The following MTUS2 variants were observed in gnomAD, a reference collection of about 807,000 sequenced individuals.
MTUS2 encodes microtubule associated scaffold protein 2.
MTUS2 carries 40 observed loss-of-function variants against 114.1 expected under a neutral mutation model. That is an observed-to-expected ratio of 0.35 (90% CI 0.27 to 0.46). The LOEUF is 0.46. MTUS2 is among the 20% of genes least tolerant of loss of function. The probability of loss-of-function intolerance (pLI) is 1.00; values close to 1 mark genes in which losing one functional copy is unlikely to be tolerated. For synonymous variants in MTUS2, 688 were observed against 672.0 expected (o/e 1.02, Z -0.37); for missense variants, 1,679 against 1,705.4 (o/e 0.98, Z 0.27).
At chr13:28,989,863 T>TTG (rs1566273584) in intron 2 of MTUS2, among the ~76,000 whole-genome samples, 41 of 151,012 alleles carry the variant, frequency 2.7e-4, no homozygotes, top group East Asian at 1.2e-3. Context: ...TTTTTTTTTT[T>TTG]TTTTGCAGAA....
intron 5 of MTUS2, among the ~76,000 whole-genome samples, chr13:29,184,281 C>G (rs372854426): frequency 6.6e-6 from 1 of 152,220 alleles, no homozygotes; most frequent in East Asian, 1.9e-4. Flanking sequence ...TCCCCACCCC[C>G]TCCAGGGGCC....
intron 5 of MTUS2, among the ~76,000 whole-genome samples, chr13:29,262,806 G>A (rs192265658): frequency 6.6e-6 from 1 of 152,192 alleles, no homozygotes; most frequent in East Asian, 1.9e-4. Flanking sequence ...TTGCTATAGG[G>A]GCTTGCATGA....
chr13:28,909,701 A>G (rs912116146), intron 2 of MTUS2, among the ~76,000 whole-genome samples: 2 of 152,168 alleles, frequency 1.3e-5, no homozygotes, highest in Non-Finnish European at 2.9e-5. Context: ...GGAGAAGGAA[A>G]TAAAGGGTAT....
At chr13:29,365,007 G>C (rs1285340861) in intron 8 of MTUS2, among the ~76,000 whole-genome samples, 1 of 152,242 alleles carries the variant, frequency 6.6e-6, no homozygotes, top group East Asian at 1.9e-4. Flanking sequence ...GAGAGTGCTA[G>C]TGAAGTGGTA....
At chr13:29,056,458 G>A in intron 4 of MTUS2, among the ~76,000 whole-genome samples, 1 of 151,978 alleles carries the variant, frequency 6.6e-6, no homozygotes. Flanking sequence ...GGCTATGAAT[G>A]CATTTGGTCC....
chr13:28,928,714 C>T (rs111577301), intron 2 of MTUS2, among the ~76,000 whole-genome samples: 1 of 152,288 alleles, frequency 6.6e-6, no homozygotes, highest in African/African-American at 2.4e-5. Flanking sequence ...TATGATCCAG[C>T]AATTCCACTC....
intron 2 of MTUS2, among the ~76,000 whole-genome samples, chr13:28,962,380 C>T (rs1051081031): frequency 3.9e-5 from 6 of 152,060 alleles, no homozygotes; most frequent in Non-Finnish European, 8.8e-5. Context: ...AAAGTTCTTA[C>T]TTTTTTTAAT....
chr13:29,068,999 A>T (rs9508254), intron 4 of MTUS2, among the ~76,000 whole-genome samples: 25,189 of 152,100 alleles, frequency 0.17, 2,424 homozygotes, highest in Middle Eastern at 0.22. Flanking sequence ...AGGATTGGAC[A>T]TAAAGAGACC....
chr13:29,255,184 A>G (rs1897253574), intron 5 of MTUS2, among the ~76,000 whole-genome samples: 1 of 152,218 alleles, frequency 6.6e-6, no homozygotes, highest in African/African-American at 2.4e-5. Flanking sequence ...TGTAAGCAGA[A>G]GTGGCCAAGG....
At chr13:29,370,733 T>C (rs900192261) in intron 8 of MTUS2, among the ~76,000 whole-genome samples, 1 of 152,196 alleles carries the variant, frequency 6.6e-6, no homozygotes, top group Non-Finnish European at 1.5e-5. Flanking sequence ...TATTCTGTTA[T>C]AGAATCAGAA....
chr13:28,882,018 T>C (rs774874341), intron 2 of MTUS2, among the ~76,000 whole-genome samples: 5 of 152,194 alleles, frequency 3.3e-5, no homozygotes, highest in Non-Finnish European at 5.9e-5. Context: ...GTGCAGAACA[T>C]TGAGTCTTCA....
At position 29,501,124 on chromosome 13, in the gene MTUS2, A is replaced by G. The variant is rs1411934931; in HGVS notation, c.3826A>G (p.Lys1276Glu). The G allele has an allele frequency of 1.9e-6, 3 of 1,614,132 alleles. No homozygotes were observed. Among genetic ancestry groups the G allele is most frequent in the Admixed American group, 1.7e-5 (1 of 60,024 alleles). Reference sequence around the variant, plus strand: ...AGAAAAGAACATTATCCTAGAAGAAAAGATCCAGGTTCTCCAACAGCAGAA... The same window carrying G: ...AGAAAAGAACATTATCCTAGAAGAAGAGATCCAGGTTCTCCAACAGCAGAA... ...LAEKNIILEE[K>E]IQVLQQQNED... Residue 1276 changes from lysine to glutamate, a missense_variant, in exon 15 of 16, where the codon AAG (lysine) becomes GAG (glutamate). Coordinates refer to ENST00000612955, the MANE Select transcript of MTUS2 (RefSeq NM_001033602.4).
At chr13:28,985,924 G>A (rs1020952011) in intron 2 of MTUS2, among the ~76,000 whole-genome samples, 5 of 152,224 alleles carry the variant, frequency 3.3e-5, no homozygotes, top group Admixed American at 3.3e-4. Context: ...CAGCCCGATG[G>A]CCCACCCTGC....
At chr13:29,262,981 C>T (rs930480963) in intron 5 of MTUS2, among the ~76,000 whole-genome samples, 1 of 152,094 alleles carries the variant, frequency 6.6e-6, no homozygotes, top group African/African-American at 2.4e-5. Context: ...GCTTTATATG[C>T]ACTTTCTCAT....
chr13:29,179,758 A>G (rs990766890), intron 5 of MTUS2, among the ~76,000 whole-genome samples: 15 of 152,218 alleles, frequency 9.9e-5, no homozygotes, highest in African/African-American at 3.1e-4. Context: ...TTGTACTTAT[A>G]CTTTGTACCA....
At chr13:29,063,598 G>A (rs1203270135) in intron 4 of MTUS2, among the ~76,000 whole-genome samples, 1 of 151,938 alleles carries the variant, frequency 6.6e-6, no homozygotes, top group Non-Finnish European at 1.5e-5. Context: ...TTTCCTCTTT[G>A]GTCATTTTTT....
chr13:29,175,200 T>C (rs1283051956), intron 5 of MTUS2, among the ~76,000 whole-genome samples: 1 of 152,174 alleles, frequency 6.6e-6, no homozygotes, highest in Non-Finnish European at 1.5e-5. Flanking sequence ...TTGTACACTG[T>C]AAATATAAAG....
At chr13:29,067,179 A>G (rs1175309085) in intron 4 of MTUS2, among the ~76,000 whole-genome samples, 2 of 152,182 alleles carry the variant, frequency 1.3e-5, no homozygotes, top group African/African-American at 4.8e-5. Context: ...CCAAAGATAC[A>G]ATGTGGTGTC....
rs1424472514 is a variant in MTUS2, at chr13:29,346,592, A to G, written c.2906-12670A>G. 8.3e-5 allele frequency among the ~76,000 whole-genome samples: 7 copies of G among 84,116 alleles called. 2 individuals are homozygous for G. The highest frequency in any genetic ancestry group is 2.6e-4 in the African/African-American group (7 of 26,750). 55.2% of individuals were successfully genotyped at this position (84,116 alleles called of 152,430 possible). On this transcript the variant is annotated intron_variant, in intron 7 of 15. Coordinates refer to ENST00000612955, the MANE Select transcript of MTUS2 (RefSeq NM_001033602.4). ...ACGAGAGGGACATGCCCCAGGCTAC[A>G]AGCCTCCCTGCTGAGAAAGGTTTCA... is the stretch of plus-strand genomic sequence containing the variant.
Sources: allele counts gnomAD v4.1 joint callset (sites outside exome capture counted in the v4.1 genomes callset), GRCh38; gene constraint gnomAD v4.1.1; transcripts MANE v1.5; gene names NCBI Gene and HGNC (gene_info 2026-07-23, HGNC 2026-07-21).